The following KDM4B variants were observed in gnomAD, a reference collection of about 807,000 sequenced individuals.
KDM4B encodes the protein lysine-specific demethylase 4B.
KDM4B carries 32 observed loss-of-function variants against 125.2 expected under a neutral mutation model. The ratio of observed to expected loss-of-function variants is 0.26; its 90% CI spans 0.19 to 0.34. The LOEUF (loss-of-function observed/expected upper bound fraction) is 0.34. Among genes scored for constraint, KDM4B ranks in the 10% least tolerant of loss-of-function variants. The pLI, the probability that KDM4B is intolerant of heterozygous loss-of-function variation, is 1.00. For synonymous variants in KDM4B, 721 were observed against 677.9 expected, an observed-to-expected ratio of 1.06 and a Z score of -0.99; for missense variants, 1,190 against 1,577.7, an observed-to-expected ratio of 0.75 and a Z score of 4.16.
chr19:5,067,392 C>T (rs2037805994), intron 6 of KDM4B, among the ~76,000 whole-genome samples: 1 of 152,206 alleles, frequency 6.6e-6, no homozygotes, highest in African/African-American at 2.4e-5. Context: ...AGACCCTCCG[C>T]ACCCTGCCCC....
chr19:5,098,159 A>G (rs2038864120), intron 9 of KDM4B, among the ~76,000 whole-genome samples: 1 of 152,224 alleles, frequency 6.6e-6, no homozygotes, highest in African/African-American at 2.4e-5. Flanking sequence ...GGCAGCCTCC[A>G]TGTGTAGTAC....
chr19:5,143,493 G>T (rs1423765842), intron 18 of KDM4B, among the ~76,000 whole-genome samples: 1 of 151,994 alleles, frequency 6.6e-6, no homozygotes, highest in Non-Finnish European at 1.5e-5. Flanking sequence ...CTGTGCCCAC[G>T]AGCCCACTTC....
chr19:4,984,327 A>C (rs1031619998), intron 1 of KDM4B, among the ~76,000 whole-genome samples: 2 of 152,230 alleles, frequency 1.3e-5, no homozygotes, highest in South Asian at 4.1e-4. Context: ...TTCCATTCCA[A>C]GACAGCTTAG....
chr19:5,118,066 A>G (rs1366489544), intron 10 of KDM4B, among the ~76,000 whole-genome samples: 4 of 152,138 alleles, frequency 2.6e-5, no homozygotes. Flanking sequence ...CCGAGGGAGC[A>G]TGGGCTGCTG....
chr19:5,084,527 ATGTTATTTATATATTATATAT>A (rs2038417434), intron 9 of KDM4B, among the ~76,000 whole-genome samples: 1 of 56,844 alleles, frequency 1.8e-5, no homozygotes, highest in Non-Finnish European at 3.2e-5. Flanking sequence ...TAAATTATAT[ATGTTATTTATATATTATATAT>A]AATATATAAA....
chr19:5,043,764 C>T (rs1240044513), intron 5 of KDM4B, among the ~76,000 whole-genome samples: 1 of 117,490 alleles, frequency 8.5e-6, no homozygotes, highest in Non-Finnish European at 1.8e-5. Flanking sequence ...CTGTATCCCG[C>T]GTGGTGGTTA....
At chr19:5,109,234 C>T (rs1163176683) in intron 9 of KDM4B, among the ~76,000 whole-genome samples, 1 of 152,198 alleles carries the variant, frequency 6.6e-6, no homozygotes, top group African/African-American at 2.4e-5. Flanking sequence ...AGCCCCATCT[C>T]AGCCTCATCC....
At chr19:5,039,451 T>TCAACAACAA (rs372611516) in intron 3 of KDM4B, among the ~76,000 whole-genome samples, 1 of 151,952 alleles carries the variant, frequency 6.6e-6, no homozygotes, top group African/African-American at 2.4e-5. Context: ...AGACCCTGTC[T>TCAACAACAA]CAACAACAAC....
chr19:5,063,394 C>T (rs1005639042), intron 6 of KDM4B, among the ~76,000 whole-genome samples: 3 of 152,274 alleles, frequency 2.0e-5, no homozygotes, highest in East Asian at 3.9e-4. Flanking sequence ...ATTCAGAAAA[C>T]GAGCTCAGTA....
At chr19:5,147,793 G>A (rs193180024) in intron 21 of KDM4B, among the ~76,000 whole-genome samples, 2 of 152,102 alleles carry the variant, frequency 1.3e-5, no homozygotes, top group Non-Finnish European at 2.9e-5. Context: ...GGGGCGGGGG[G>A]GCAGAGGCTG....
intron 1 of KDM4B, among the ~76,000 whole-genome samples, chr19:5,004,347 C>T (rs867086072): frequency 3.3e-5 from 5 of 152,194 alleles, no homozygotes; most frequent in African/African-American, 4.8e-5. Context: ...CCTCCTCACC[C>T]GGCCTGGAGT....
chr19:5,095,086 C>T (rs544411562), intron 9 of KDM4B, among the ~76,000 whole-genome samples: 1 of 152,300 alleles, frequency 6.6e-6, no homozygotes, highest in South Asian at 2.1e-4. Context: ...ACGCCAGGAT[C>T]GCTGTTTCTA....
intron 1 of KDM4B, among the ~76,000 whole-genome samples, chr19:5,000,165 T>G (rs1379907358): frequency 4.8e-5 from 5 of 103,798 alleles, no homozygotes; most frequent in Non-Finnish European, 9.8e-5. Flanking sequence ...TATCCATCTA[T>G]CCACCTGTCC....
chr19:4,998,612 C>T (rs149028739), intron 1 of KDM4B, among the ~76,000 whole-genome samples: 144 of 152,248 alleles, frequency 9.5e-4, no homozygotes, highest in African/African-American at 3.2e-3. Flanking sequence ...CAGAAATTCA[C>T]GCTGATAAAA....
chr19:4,983,953 G>A (rs2034739245), intron 1 of KDM4B, among the ~76,000 whole-genome samples: 4 of 152,186 alleles, frequency 2.6e-5, no homozygotes, highest in Admixed American at 2.6e-4. Context: ...AAGGCTGGGT[G>A]AGGTTAACTG....
intron 6 of KDM4B, among the ~76,000 whole-genome samples, chr19:5,056,251 G>A (rs577143305): frequency 6.6e-6 from 1 of 152,290 alleles, no homozygotes; most frequent in African/African-American, 2.4e-5. Context: ...AGGGTCAAAG[G>A]CGCAGCCATC....
chr19:5,003,549 C>T (rs1451556713), intron 1 of KDM4B, among the ~76,000 whole-genome samples: 2 of 151,978 alleles, frequency 1.3e-5, no homozygotes, highest in East Asian at 1.9e-4. Context: ...TGGCTCACAC[C>T]TGTAATCCTA....
chr19:5,084,331 A>ATAATTTATATATTGTATG (rs1310117597), intron 9 of KDM4B, among the ~76,000 whole-genome samples: 22 of 145,492 alleles, frequency 1.5e-4, no homozygotes, highest in African/African-American at 2.0e-4. Context: ...TATATTGTAT[A>ATAATTTATATATTGTATG]TAATTTATAT....
intron 6 of KDM4B, among the ~76,000 whole-genome samples, chr19:5,068,468 T>C (rs2037845442): frequency 6.6e-6 from 1 of 152,244 alleles, no homozygotes; most frequent in South Asian, 2.1e-4. Flanking sequence ...CAAGCGTGCT[T>C]TCAGCCCTGT....
Sources: gnomAD v4.1 joint callset for allele counts (sites outside exome capture counted in the v4.1 genomes callset) on GRCh38, gnomAD v4.1.1 for gene constraint, MANE v1.5 for transcripts, NCBI Gene and HGNC (gene_info 2026-07-23, HGNC 2026-07-21) for gene names.